The following NRXN3 variants were observed in gnomAD, a reference collection of about 807,000 sequenced individuals.
NRXN3 encodes neurexin III.
Under a neutral mutation model 137.6 loss-of-function variants are expected in NRXN3, and 32 were observed. That is an observed-to-expected ratio of 0.23 (90% confidence interval 0.18 to 0.31). NRXN3 has a LOEUF of 0.31. Ranked by LOEUF, NRXN3 falls within the 10% of genes least tolerant of loss-of-function variation. NRXN3 has a pLI of 1.00. For missense variants in NRXN3, 1,574 were observed against 2,062.5 expected (o/e 0.76, Z 4.59); for synonymous variants, 798 against 784.5 (o/e 1.02, Z -0.29).
chr14:79,302,484 T>C (rs987755885), intron 15 of NRXN3, among the ~76,000 whole-genome samples: 2 of 151,918 alleles, frequency 1.3e-5, no homozygotes, highest in Non-Finnish European at 1.5e-5. Flanking sequence ...GTTGTCAGGC[T>C]CTTTTTAACA....
At chr14:79,514,159 C>CT (rs199865431) in intron 16 of NRXN3, among the ~76,000 whole-genome samples, 29 of 149,316 alleles carry the variant, frequency 1.9e-4, no homozygotes, top group South Asian at 1.7e-3. Flanking sequence ...GCAATGTTTT[C>CT]TTTTTTTTTA....
chr14:78,367,812 A>C (rs1279850613), intron 4 of NRXN3, among the ~76,000 whole-genome samples: 2 of 152,218 alleles, frequency 1.3e-5, no homozygotes, highest in Non-Finnish European at 1.5e-5. Context: ...TTTGCTTCTC[A>C]AAGGCTTGCT....
chr14:79,707,308 G>T (rs896671310), intron 19 of NRXN3, among the ~76,000 whole-genome samples: 4 of 152,134 alleles, frequency 2.6e-5, no homozygotes, highest in African/African-American at 9.7e-5. Context: ...GAGGCAGTGG[G>T]GGCCAATATA....
chr14:79,739,794 C>T (rs570293589), intron 19 of NRXN3, among the ~76,000 whole-genome samples: 1 of 152,126 alleles, frequency 6.6e-6, no homozygotes, highest in East Asian at 1.9e-4. Flanking sequence ...GGGGCAAGCC[C>T]AACTCTATGT....
chr14:78,725,530 A>G (rs2152882107), intron 8 of NRXN3, among the ~76,000 whole-genome samples: 1 of 152,366 alleles, frequency 6.6e-6, no homozygotes, highest in Non-Finnish European at 1.5e-5. Flanking sequence ...AACTTTCACA[A>G]GCAACCTAGC....
At chr14:78,486,759 G>T (rs1476560218) in intron 4 of NRXN3, among the ~76,000 whole-genome samples, 2 of 152,118 alleles carry the variant, frequency 1.3e-5, no homozygotes, top group African/African-American at 4.8e-5. Context: ...TTATGGTTTT[G>T]TCTATTAGAG....
rs1364929239 is a variant in NRXN3, at chr14:79,534,128, A to G, written c.3444+66726A>G. 2.6e-5 allele frequency among the ~76,000 whole-genome samples: 4 copies of G among 152,254 alleles called. No homozygotes were observed. The East Asian group carries it at 5.8e-4, about 22-fold the overall frequency. On this transcript the variant is annotated intron_variant, in intron 16 of 20. Coordinates refer to ENST00000335750, the MANE Select transcript of NRXN3 (RefSeq NM_001330195.2). ...GTTGGAGCTGGAAAAGAGCTTAGAGATTGTTCTAGTACAGTTGTGTCAAAC... is the reference window on the plus strand; with the variant it reads ...GTTGGAGCTGGAAAAGAGCTTAGAGGTTGTTCTAGTACAGTTGTGTCAAAC...
At chr14:79,724,638 T>C (rs1264674929) in intron 19 of NRXN3, among the ~76,000 whole-genome samples, 1 of 152,206 alleles carries the variant, frequency 6.6e-6, no homozygotes, top group Non-Finnish European at 1.5e-5. Flanking sequence ...CTCTGGGAGA[T>C]ACTTAAAATT....
intron 4 of NRXN3, among the ~76,000 whole-genome samples, chr14:78,593,135 C>T (rs776316615): frequency 3.3e-5 from 5 of 152,194 alleles, no homozygotes; most frequent in Non-Finnish European, 5.9e-5. Flanking sequence ...ACACGCGGCA[C>T]ATCTGTGGAG....
intron 15 of NRXN3, among the ~76,000 whole-genome samples, chr14:79,300,507 C>A (rs919020202): frequency 1.3e-5 from 2 of 151,998 alleles, no homozygotes; most frequent in South Asian, 4.1e-4. Context: ...TGGTCTCACA[C>A]ACATATCTGC....
intron 15 of NRXN3, among the ~76,000 whole-genome samples, chr14:79,032,832 GCC>G (rs1568053745): frequency 6.6e-6 from 1 of 152,008 alleles, no homozygotes; most frequent in East Asian, 1.9e-4. Flanking sequence ...CTATCTCTTT[GCC>G]CTGGAGCAAG....
chr14:79,375,297 C>A (rs1189721186), intron 15 of NRXN3, among the ~76,000 whole-genome samples: 2 of 150,648 alleles, frequency 1.3e-5, no homozygotes, highest in Non-Finnish European at 1.5e-5. Flanking sequence ...CCACCCCCTC[C>A]CACACATATA....
In NRXN3 at chr14:78,959,632, G is replaced by A. The variant is rs572115995; in HGVS notation, c.2395+2271G>A. ...TTACACATAGACATAACTCAGAAGC[G>A]GGAGGTGAAGTTCCTGGTCTACGTG... On this transcript the variant is annotated intron_variant, in intron 11 of 20. Transcript: ENST00000335750. 1.1e-4 allele frequency among the ~76,000 whole-genome samples: 17 copies of A among 152,238 alleles called. No homozygotes were observed. In the Middle Eastern group the frequency reaches 0.014, roughly 122 times the overall value.
Position 78,456,979 on chromosome 14 carries a change from C to G in NRXN3, c.757+159119C>G, listed in dbSNP as rs141152403. On this transcript the variant is annotated intron_variant, in intron 4 of 20. Transcript: ENST00000335750. The stretch of plus-strand genomic sequence containing the variant: ...CCTTGCTTCCTTCCTTCTTCCTTCT[C>G]CTCCTTCTCCTCTTCTTCTTTCTCT... Among the ~76,000 whole-genome samples the G allele has an allele frequency of 9.6e-4, 142 of 148,194 alleles. 4 individuals carry two copies. In the East Asian group the frequency reaches 0.027, roughly 28 times the overall value.
intron 4 of NRXN3, among the ~76,000 whole-genome samples, chr14:78,575,329 G>A (rs556430354): frequency 1.1e-4 from 17 of 152,332 alleles, no homozygotes; most frequent in Admixed American, 2.6e-4. Context: ...GAAAGTGAGT[G>A]TAGTTGCAGG....
intron 6 of NRXN3, among the ~76,000 whole-genome samples, chr14:78,670,698 C>T (rs2152712273): frequency 6.6e-6 from 1 of 152,262 alleles, no homozygotes; most frequent in African/African-American, 2.4e-5. Context: ...GTGCATGCAC[C>T]AGGGCTAGGG....
At chr14:79,064,459 T>C (rs2099678161) in intron 15 of NRXN3, among the ~76,000 whole-genome samples, 1 of 152,088 alleles carries the variant, frequency 6.6e-6, no homozygotes, top group South Asian at 2.1e-4. Context: ...GGACAGGTGG[T>C]GTCTCCAATT....
At chr14:78,456,855 TTTTC>T (rs1186930296) in intron 4 of NRXN3, among the ~76,000 whole-genome samples, 30 of 105,282 alleles carry the variant, frequency 2.8e-4, no homozygotes, top group East Asian at 5.7e-4. Context: ...CTTTCTTTCT[TTTTC>T]TCTTTCTTTC....
chr14:78,536,602 ATT>A (rs2096537834), intron 4 of NRXN3, among the ~76,000 whole-genome samples: 2 of 140,918 alleles, frequency 1.4e-5, no homozygotes, highest in Admixed American at 7.0e-5. Flanking sequence ...CCTACAGATT[ATT>A]TTTCTTTTTT....
Sources: allele counts gnomAD v4.1 joint callset (sites outside exome capture counted in the v4.1 genomes callset), GRCh38; gene constraint gnomAD v4.1.1; transcripts MANE v1.5; gene names NCBI Gene and HGNC (gene_info 2026-07-23, HGNC 2026-07-21).